The following TAOK3 variants were observed in gnomAD, a reference collection of about 807,000 sequenced individuals.
TAOK3 encodes TAO kinase 3, also known as serine/threonine-protein kinase TAO3.
Under a neutral mutation model 120.4 loss-of-function variants are expected in TAOK3, and 40 were observed. The ratio of observed to expected loss-of-function variants is 0.33; its 90% CI spans 0.26 to 0.43. The LOEUF (loss-of-function observed/expected upper bound fraction) is 0.43, where lower values mean the gene tolerates loss of function less well. Among genes scored for constraint, TAOK3 ranks in the 20% least tolerant of loss-of-function variants. The probability of loss-of-function intolerance (pLI) is 1.00; values close to 1 mark genes in which losing one functional copy is unlikely to be tolerated. For synonymous variants in TAOK3, 355 were observed against 387.5 expected, an observed-to-expected ratio of 0.92 and a Z score of 0.99; for missense variants, 821 against 1,112.1, an observed-to-expected ratio of 0.74 and a Z score of 3.72.
In TAOK3 at chr12:118,255,343, T is replaced by C. The variant is rs527287700; in HGVS notation, c.120+105A>G. 3 of 1,259,046 alleles carry C rather than the reference T, an allele frequency of 2.4e-6. No individual in the cohort carries two copies. The African/African-American group carries it at 4.5e-5, about 19-fold the overall frequency. 78.0% of individuals were successfully genotyped at this position (1,259,046 alleles called of 1,614,324 possible). ...GCCTAGGCTGGTCTTTCCTCCCACC[T>C]TGGCCTTGCAAAGTGCTAGGATTAC... On this transcript the variant is annotated intron_variant, in intron 3 of 20. Coordinates refer to ENST00000392533, the MANE Select transcript of TAOK3 (RefSeq NM_016281.4).
intron 10 of TAOK3, 78 bp from the exon 11 acceptor site, chr12:118,213,073 A>C (rs190896901): frequency 7.3e-5 from 67 of 916,128 alleles, no homozygotes; most frequent in Non-Finnish European, 9.0e-5. Flanking sequence ...ATTTTCATTC[A>C]AGGGAAAATT....
intron 1 of TAOK3, among the ~76,000 whole-genome samples, chr12:118,341,242 C>T (rs1356258521): frequency 6.6e-6 from 1 of 152,068 alleles, no homozygotes; most frequent in African/African-American, 2.4e-5. Context: ...CTCAAGTGAT[C>T]CGCCTGCCTC....
rs534127885 is a variant in TAOK3 at position 118,239,556 on chromosome 12, T to G, written c.295-284A>C. Reference sequence around the variant, plus strand: ...AAGCCAAGATTGCCAATTTATTTATTAACTCCTTCACTACTTTATTTCAAA... The same window carrying G: ...AAGCCAAGATTGCCAATTTATTTATGAACTCCTTCACTACTTTATTTCAAA... On this transcript the variant is annotated intron_variant, in intron 5 of 20. Coordinates refer to ENST00000392533, the MANE Select transcript of TAOK3 (RefSeq NM_016281.4). Among the ~76,000 whole-genome samples the G allele has an allele frequency of 1.2e-3, 177 of 152,352 alleles. 1 individual carries two copies. The highest frequency in any genetic ancestry group is 3.9e-3 in the African/African-American group (161 of 41,586).
intron 1 of TAOK3, among the ~76,000 whole-genome samples, chr12:118,335,554 G>C (rs1187772044): frequency 6.6e-6 from 1 of 152,148 alleles, no homozygotes; most frequent in African/African-American, 2.4e-5. Flanking sequence ...ACACAGCCAG[G>C]CATGGTGTCT....
chr12:118,363,204 C>T (rs531965256), intron 1 of TAOK3, among the ~76,000 whole-genome samples: 7 of 152,136 alleles, frequency 4.6e-5, no homozygotes, highest in African/African-American at 1.7e-4. Flanking sequence ...CATATACTTG[C>T]TACCACTGGT....
intron 1 of TAOK3, among the ~76,000 whole-genome samples, chr12:118,367,485 C>T (rs556487718): frequency 3.0e-4 from 45 of 150,982 alleles, no homozygotes; most frequent in African/African-American, 1.0e-3. Flanking sequence ...ATAAATTCAA[C>T]ATAACTAATC....
At chr12:118,156,704 G>T (rs1363924557) in intron 19 of TAOK3, among the ~76,000 whole-genome samples, 1 of 151,816 alleles carries the variant, frequency 6.6e-6, no homozygotes, top group Non-Finnish European at 1.5e-5. Context: ...TTACCATATA[G>T]GTAAATACAG....
At chr12:118,273,738 C>A (rs527931743) in intron 1 of TAOK3, among the ~76,000 whole-genome samples, 24 of 152,104 alleles carry the variant, frequency 1.6e-4, no homozygotes, top group Non-Finnish European at 2.5e-4. Flanking sequence ...ATAGCTTGAA[C>A]CCAGGAGGTG....
At chr12:118,235,051 C>T (rs1471008053) in intron 8 of TAOK3, among the ~76,000 whole-genome samples, 3 of 152,018 alleles carry the variant, frequency 2.0e-5, no homozygotes. Flanking sequence ...GAAATTCCAA[C>T]GTGTCTAGGA....
At chr12:118,335,746 T>C (rs1001864750) in intron 1 of TAOK3, among the ~76,000 whole-genome samples, 26 of 152,088 alleles carry the variant, frequency 1.7e-4, no homozygotes, top group African/African-American at 4.8e-4. Context: ...GAAGAATTGC[T>C]TGGACCCAGG....
intron 4 of TAOK3, 34 bp from the exon 5 acceptor site, chr12:118,243,550 A>T: frequency 1.1e-6 from 1 of 918,326 alleles, no homozygotes; most frequent in Non-Finnish European, 1.6e-6. Flanking sequence ...TTTTAATTTA[A>T]TTTTTGATAG....
chr12:118,352,121 C>A (rs990614861), intron 1 of TAOK3, among the ~76,000 whole-genome samples: 1 of 151,982 alleles, frequency 6.6e-6, no homozygotes, highest in African/African-American at 2.4e-5. Flanking sequence ...GTCCGCCCAC[C>A]TCGGCCTCCC....
At chr12:118,344,447 C>G (rs957115511) in intron 1 of TAOK3, among the ~76,000 whole-genome samples, 14 of 152,036 alleles carry the variant, frequency 9.2e-5, no homozygotes, top group African/African-American at 3.4e-4. Context: ...AGGGGAGAAG[C>G]AGTGTTCACA....
intron 4 of TAOK3, 89 bp from the exon 5 acceptor site, chr12:118,243,605 T>G (rs774473228): frequency 2.1e-6 from 1 of 483,672 alleles, no homozygotes; most frequent in Non-Finnish European, 3.6e-6. Context: ...TCATTTATAT[T>G]ATTGTAAATG....
chr12:118,175,441 C>G (rs1280673968), intron 16 of TAOK3, among the ~76,000 whole-genome samples: 1 of 152,038 alleles, frequency 6.6e-6, no homozygotes, highest in South Asian at 2.1e-4. Context: ...GCCTGGCTAA[C>G]ATGGTGAAAC....
intron 11 of TAOK3, among the ~76,000 whole-genome samples, chr12:118,208,140 T>A (rs1276017630): frequency 6.6e-6 from 1 of 152,240 alleles, no homozygotes; most frequent in Non-Finnish European, 1.5e-5. Flanking sequence ...ACATTATTTT[T>A]ACATTGCAAA....
chr12:118,233,031 A>G (rs1177057163), intron 9 of TAOK3, among the ~76,000 whole-genome samples: 2 of 152,188 alleles, frequency 1.3e-5, no homozygotes, highest in Non-Finnish European at 2.9e-5. Flanking sequence ...GACTGGATTA[A>G]GAAAATGTGG....
At chr12:118,332,263 CCCTTCCCCCA>C (rs1210136296) in intron 1 of TAOK3, among the ~76,000 whole-genome samples, 1 of 152,144 alleles carries the variant, frequency 6.6e-6, no homozygotes, top group Non-Finnish European at 1.5e-5. Flanking sequence ...TCCACCTCCA[CCCTTCCCCCA>C]ACCCCCACCC....
rs869285530 is a variant in TAOK3, at chr12:118,189,535, GACACACACACACACACAC to G, written c.1329+254_1329+271del. Among the ~76,000 whole-genome samples, 46 of 132,268 alleles carry G rather than the reference GACACACACACACACACAC, an allele frequency of 3.5e-4. 1 individual carries two copies. The highest frequency in any genetic ancestry group is 1.4e-3 in the Admixed American group (18 of 12,940). The allele number at this position is 132,268 out of a possible 152,430, so 86.8% of individuals were successfully genotyped here. ...GCATATACAAACACACACAGACACA[GACACACACACACACACAC>G]ACACACACACACACACACACACACA... is the stretch of plus-strand genomic sequence containing the variant. On this transcript the variant is annotated intron_variant, in intron 14 of 20. Coordinates refer to ENST00000392533, the MANE Select transcript of TAOK3 (RefSeq NM_016281.4).
Sources: gnomAD v4.1 joint callset for allele counts (sites outside exome capture counted in the v4.1 genomes callset) on GRCh38, gnomAD v4.1.1 for gene constraint, MANE v1.5 for transcripts, NCBI Gene and HGNC (gene_info 2026-07-23, HGNC 2026-07-21) for gene names.